ALX4: variants seen among roughly 807,000 people sequenced by gnomAD.
ALX4 encodes homeobox protein aristaless-like 4.
A neutral mutation model predicts 40.6 loss-of-function variants in ALX4; 22 were observed. The ratio of observed to expected loss-of-function variants is 0.54; its 90% CI spans 0.39 to 0.77. The LOEUF (loss-of-function observed/expected upper bound fraction) is 0.77, where lower values mean the gene tolerates loss of function less well. ALX4 is among the 30% of genes least tolerant of loss of function. ALX4 has a pLI of 0.00. For missense variants in ALX4, 556 were observed against 564.8 expected (o/e 0.98, Z 0.16); for synonymous variants, 266 against 240.5 (o/e 1.11, Z -0.98).
At chr11:44,296,016 G>A (rs1956400707) in intron 1 of ALX4, among the ~76,000 whole-genome samples, 1 of 152,202 alleles carries the variant, frequency 6.6e-6, no homozygotes, top group East Asian at 1.9e-4. Flanking sequence ...TGACCTGTTG[G>A]TCACTGGCCT....
rs1956203276 is a variant in ALX4, at chr11:44,264,853, G to T, written c.*1C>A. ...GGTGGGGACGGGGCAGGGGTGCCCT[G>T]TCATGTGGCCCAGGAAATGGCCGCA... On this transcript the variant is annotated 3_prime_UTR_variant, in exon 4 of 4. Transcript: ENST00000652299. The T allele has an allele frequency of 6.2e-7, 1 of 1,612,702 alleles. No individual in the cohort carries two copies. Among genetic ancestry groups the T allele is most frequent in the Non-Finnish European group, 8.5e-7 (1 of 1,179,910 alleles).
rs555272087 is a variant in ALX4 at position 44,305,547 on chromosome 11, TCGTCTC to T, written c.466+4044_466+4049del. Reference sequence around the variant, plus strand: ...GGTTTTCGTTTCTGCCTTCTTTGGGTCGTCTCTTGTATACAAAACACACCCCAGTTC... The same window carrying T: ...GGTTTTCGTTTCTGCCTTCTTTGGGTTTGTATACAAAACACACCCCAGTTC... On this transcript the variant is annotated intron_variant, in intron 1 of 3. Transcript: ENST00000652299. Among the ~76,000 whole-genome samples the T allele has an allele frequency of 7.9e-5, 12 of 152,318 alleles. No homozygotes were observed. The East Asian group carries it at 2.3e-3, about 29-fold the overall frequency.
At chr11:44,302,371 C>T (rs1232035725) in intron 1 of ALX4, among the ~76,000 whole-genome samples, 3 of 152,220 alleles carry the variant, frequency 2.0e-5, no homozygotes, top group Non-Finnish European at 4.4e-5. Flanking sequence ...TGCACACGCT[C>T]ACACAAACAC....
At chr11:44,304,410 C>T (rs563453260) in intron 1 of ALX4, among the ~76,000 whole-genome samples, 21 of 152,280 alleles carry the variant, frequency 1.4e-4, no homozygotes, top group African/African-American at 5.1e-4. Context: ...TCTGGTTAAG[C>T]GTTCTCTCTT....
intron 1 of ALX4, among the ~76,000 whole-genome samples, chr11:44,287,400 G>T (rs549261417): frequency 2.0e-5 from 3 of 152,106 alleles, no homozygotes; most frequent in African/African-American, 7.2e-5. Flanking sequence ...CTTTACAACC[G>T]CCAGGTTTCC....
chr11:44,275,530 G>A lies in ALX4; in HGVS notation c.595C>T (p.Pro199Ser), dbSNP rs1956272845. 1.2e-5 allele frequency: 20 copies of A among 1,614,180 alleles called. No individual in the cohort carries two copies. The highest frequency in any genetic ancestry group is 1.7e-5 in the Non-Finnish European group (20 of 1,180,014). Residue 199 changes from proline to serine, a missense_variant, in exon 2 of 4, where the codon CCC becomes TCC. Pro to Ser is a moderately conservative substitution (Grantham distance 74). Transcript: ENST00000652299. The part of the protein sequence containing the change: ...GPQDRASSDL[P>S]SPLEKADSES... ...GAGTCGGCCTTCTCCAATGGGCTGG[G>A]GAGGTCTGAGCTGGCCCGGTCCTGG...
At chr11:44,293,161 A>C (rs947510205) in intron 1 of ALX4, among the ~76,000 whole-genome samples, 3,205 of 30,186 alleles carry the variant, frequency 0.11, 424 homozygotes, top group African/African-American at 0.13. Flanking sequence ...GGAAGGAAGG[A>C]AGGAAGGAAG....
chr11:44,265,778 G>A (rs982089105), intron 3 of ALX4, among the ~76,000 whole-genome samples: 6 of 152,142 alleles, frequency 3.9e-5, no homozygotes, highest in Admixed American at 1.3e-4. Flanking sequence ...GATGGAAGGG[G>A]CTGCCTCAGG....
At chr11:44,293,996 C>A (rs1221092714) in intron 1 of ALX4, among the ~76,000 whole-genome samples, 2 of 152,070 alleles carry the variant, frequency 1.3e-5, no homozygotes, top group African/African-American at 4.8e-5. Context: ...GTGCTGAAAA[C>A]CCCTCCCAGT....
chr11:44,304,812 C>G (rs1000647022), intron 1 of ALX4, among the ~76,000 whole-genome samples: 1 of 152,190 alleles, frequency 6.6e-6, no homozygotes, highest in Admixed American at 6.5e-5. Context: ...GGGACTTCGC[C>G]GAGATTTTCT....
chr11:44,303,535 G>C (rs544100932), intron 1 of ALX4, among the ~76,000 whole-genome samples: 31 of 152,286 alleles, frequency 2.0e-4, no homozygotes, highest in African/African-American at 7.5e-4. Flanking sequence ...GAACCGGTCC[G>C]CGGCCCTGAG....
chr11:44,301,305 G>T (rs1181000196), intron 1 of ALX4, among the ~76,000 whole-genome samples: 2 of 152,170 alleles, frequency 1.3e-5, no homozygotes, highest in South Asian at 4.1e-4. Context: ...CAGTTTCCTC[G>T]ATGTAACCAA....
chr11:44,271,056 C>T (rs997574467), intron 2 of ALX4, among the ~76,000 whole-genome samples: 2 of 152,230 alleles, frequency 1.3e-5, no homozygotes, highest in Non-Finnish European at 2.9e-5. Context: ...GTCCCTGTCC[C>T]CACCACCACT....
At chr11:44,303,653 G>T (rs1003248720) in intron 1 of ALX4, among the ~76,000 whole-genome samples, 1 of 152,200 alleles carries the variant, frequency 6.6e-6, no homozygotes, top group Admixed American at 6.5e-5. Flanking sequence ...CCTCGGCGCT[G>T]GCTGGTGCGG....
chr11:44,299,945 G>C (rs1488263894), intron 1 of ALX4, among the ~76,000 whole-genome samples: 1 of 152,186 alleles, frequency 6.6e-6, no homozygotes, highest in Non-Finnish European at 1.5e-5. Context: ...AGCAGCACTG[G>C]TGTACTGCCT....
intron 1 of ALX4, among the ~76,000 whole-genome samples, chr11:44,303,254 C>A (rs1171437898): frequency 6.6e-6 from 1 of 152,190 alleles, no homozygotes; most frequent in African/African-American, 2.4e-5. Context: ...GAATGAAAAT[C>A]CACTCTTAAA....
At chr11:44,299,025 C>G (rs1426156082) in intron 1 of ALX4, among the ~76,000 whole-genome samples, 1 of 152,150 alleles carries the variant, frequency 6.6e-6, no homozygotes, top group Non-Finnish European at 1.5e-5. Flanking sequence ...AAGTTGGAAT[C>G]AAAACAGACA....
chr11:44,267,709 G>GC (rs140662999), intron 2 of ALX4, 87 bp from the exon 3 acceptor site: 9 of 1,587,768 alleles, frequency 5.7e-6, no homozygotes, highest in East Asian at 4.5e-5. Flanking sequence ...GTTCCCTTGA[G>GC]CCCCCCATCA....
rs192487688 is a variant in ALX4, at chr11:44,261,993, G to A, written c.*2861C>T. Reference sequence around the variant, plus strand: ...AAGGTTGGGCCTAGCCACCTGTCTTGGAAGGGACTGGGCCCCAAGGTTCTC... The same window carrying A: ...AAGGTTGGGCCTAGCCACCTGTCTTAGAAGGGACTGGGCCCCAAGGTTCTC... On this transcript the variant is annotated 3_prime_UTR_variant, in exon 4 of 4. Coordinates refer to ENST00000652299, the MANE Select transcript of ALX4 (RefSeq NM_021926.4). 1 of 152,304 alleles carries A rather than the reference G, an allele frequency of 6.6e-6. No individual in the cohort carries two copies. The highest frequency in any genetic ancestry group is 2.4e-5 in the African/African-American group (1 of 41,460). 9.4% of individuals were successfully genotyped at this position (152,304 alleles called of 1,614,324 possible).
Sources: gnomAD v4.1 joint callset for allele counts (sites outside exome capture counted in the v4.1 genomes callset) on GRCh38, gnomAD v4.1.1 for gene constraint, MANE v1.5 for transcripts, NCBI Gene and HGNC (gene_info 2026-07-23, HGNC 2026-07-21) for gene names.